FBXL4: variants seen among roughly 807,000 people sequenced by gnomAD.
The protein encoded by FBXL4 is F-box/LRR-repeat protein 4.
FBXL4 carries 40 observed loss-of-function variants against 58.9 expected under a neutral mutation model. That is an observed-to-expected ratio of 0.68 (90% CI 0.53 to 0.88). FBXL4 has a LOEUF of 0.88. Ranked by LOEUF, FBXL4 falls within the 40% of genes least tolerant of loss-of-function variation. FBXL4 has a pLI of 0.00. For missense variants in FBXL4, 676 were observed against 734.4 expected, an observed-to-expected ratio of 0.92 and a Z score of 0.92; for synonymous variants, 263 against 265.5, an observed-to-expected ratio of 0.99 and a Z score of 0.09.
intron 5 of FBXL4, among the ~76,000 whole-genome samples, chr6:98,914,570 C>T (rs917904839): frequency 2.2e-4 from 34 of 152,150 alleles, no homozygotes; most frequent in Non-Finnish European, 4.4e-4. Context: ...ACAAAAACCA[C>T]ATGATTATCT....
intron 1 of FBXL4, among the ~76,000 whole-genome samples, chr6:98,942,309 A>T (rs1173152437): frequency 6.6e-6 from 1 of 152,032 alleles, no homozygotes; most frequent in Non-Finnish European, 1.5e-5. Context: ...GCAAAATTTT[A>T]AAAAATGGTT....
intron 1 of FBXL4, among the ~76,000 whole-genome samples, chr6:98,938,898 CAT>C (rs1773322880): frequency 6.6e-6 from 1 of 151,740 alleles, no homozygotes; most frequent in Admixed American, 6.6e-5. Context: ...GCCTAAGAAA[CAT>C]AGGGAGACCC....
intron 7 of FBXL4, among the ~76,000 whole-genome samples, chr6:98,894,340 T>C (rs745790411): frequency 2.0e-5 from 3 of 152,188 alleles, no homozygotes; most frequent in African/African-American, 7.2e-5. Flanking sequence ...ATTATTTCCA[T>C]GCCACGGATG....
chr6:98,940,304 C>G (rs1385050007), intron 1 of FBXL4, among the ~76,000 whole-genome samples: 1 of 152,004 alleles, frequency 6.6e-6, no homozygotes, highest in Non-Finnish European at 1.5e-5. Flanking sequence ...CTTCACAGTC[C>G]AAACCCATGT....
At chr6:98,900,286 A>G (rs1174137996) in intron 6 of FBXL4, among the ~76,000 whole-genome samples, 1 of 152,218 alleles carries the variant, frequency 6.6e-6, no homozygotes, top group Non-Finnish European at 1.5e-5. Context: ...CCCTCTTAAC[A>G]GTGTACCAAT....
rs542877167 is a variant in FBXL4, at chr6:98,946,206, C to G, written c.-309+1600G>C. Among the ~76,000 whole-genome samples, 15 of 152,170 alleles carry G rather than the reference C, an allele frequency of 9.9e-5. No individual in the cohort carries two copies. The East Asian group carries it at 1.7e-3, about 18-fold the overall frequency. On this transcript the variant is annotated intron_variant, in intron 1 of 9. Transcript: ENST00000369244. ...AGAATACTAGACCGTTCAGAAAGTC[C>G]CAAGAATACACGGGAATTTAGGGCC...
intron 7 of FBXL4, 108 bp downstream of exon 7, chr6:98,899,160 T>A (rs553040307): frequency 1.3e-6 from 2 of 1,499,634 alleles, no homozygotes; most frequent in South Asian, 2.8e-5. Flanking sequence ...GAAGGCATCA[T>A]AAACTTGATT....
chr6:98,888,898 C>G (rs1266081027), intron 7 of FBXL4, among the ~76,000 whole-genome samples: 1 of 152,172 alleles, frequency 6.6e-6, no homozygotes, highest in East Asian at 1.9e-4. Context: ...TAAAATCTAC[C>G]TATTAACCCT....
chr6:98,913,887 T>G (rs1483376382), intron 5 of FBXL4, among the ~76,000 whole-genome samples: 3 of 152,120 alleles, frequency 2.0e-5, no homozygotes, highest in Non-Finnish European at 4.4e-5. Flanking sequence ...AGCTGGTTTT[T>G]TGAAAGGATC....
rs1019952432 is a variant in FBXL4, at chr6:98,872,880, G to C, written c.*1398C>G. The C allele has an allele frequency of 1.3e-5, 2 of 152,134 alleles. No individual in the cohort carries two copies. The highest frequency in any genetic ancestry group is 1.3e-4 in the Admixed American group (2 of 15,248). 9.4% of individuals were successfully genotyped at this position (152,134 alleles called of 1,614,324 possible). ...CCTCAGTTTCCTCATCTGTAAATGG[G>C]GGTAAGTAATGGCATTTATCTTACA... On this transcript the variant is annotated 3_prime_UTR_variant, in exon 10 of 10. Transcript: ENST00000369244.
chr6:98,879,193 A>G (rs941170098), intron 8 of FBXL4, among the ~76,000 whole-genome samples: 2 of 152,226 alleles, frequency 1.3e-5, no homozygotes, highest in African/African-American at 4.8e-5. Context: ...TGACTCTAAT[A>G]AAATATTTCT....
At chr6:98,896,689 T>G in intron 7 of FBXL4, 1 of 756,272 alleles carries the variant, frequency 1.3e-6, no homozygotes, top group South Asian at 6.1e-5. Context: ...TTTATGATAT[T>G]TTACCAGATG....
rs150523994 is a variant in FBXL4, at chr6:98,875,523, G to C, written c.1594C>G (p.Leu532Val). 44 of 1,614,042 alleles carry C rather than the reference G, an allele frequency of 2.7e-5. No individual in the cohort carries two copies. In the African/African-American group the frequency reaches 4.7e-4, roughly 17 times the overall value. Residue 532 changes from leucine (L) to valine (V), a missense_variant, in exon 9 of 10, where the codon CTC becomes GTC. Transcript: ENST00000369244. ...AGAAAGAGTTTTTGCAAGTTTGGGA[G>C]CTGGTGTGCCAGTCTGGTGAAGCAC... ...TGCFTRLAHQ[L>V]PNLQKLFLTA... is the part of the protein sequence containing the mutation.
At chr6:98,879,577 C>T (rs547153662) in intron 8 of FBXL4, among the ~76,000 whole-genome samples, 3 of 152,158 alleles carry the variant, frequency 2.0e-5, no homozygotes, top group South Asian at 2.1e-4. Flanking sequence ...CACATAAAAT[C>T]GTATTTTAAA....
intron 4 of FBXL4, among the ~76,000 whole-genome samples, chr6:98,918,436 T>C (rs1379093852): frequency 6.6e-6 from 1 of 152,134 alleles, no homozygotes; most frequent in Non-Finnish European, 1.5e-5. Flanking sequence ...TCTTTGCTCG[T>C]GTTATCTTCC....
intron 1 of FBXL4, among the ~76,000 whole-genome samples, chr6:98,938,680 T>TA (rs1458293797): frequency 6.6e-6 from 1 of 152,220 alleles, no homozygotes; most frequent in African/African-American, 2.4e-5. Context: ...ACACCAGAGT[T>TA]AGTCTATCCC....
intron 5 of FBXL4, among the ~76,000 whole-genome samples, chr6:98,915,686 C>G (rs1376282233): frequency 6.6e-6 from 1 of 152,200 alleles, no homozygotes; most frequent in East Asian, 1.9e-4. Flanking sequence ...GGATTAAAGA[C>G]ATAAACGTTA....
chr6:98,914,498 G>A (rs1260139691), intron 5 of FBXL4, among the ~76,000 whole-genome samples: 2 of 152,200 alleles, frequency 1.3e-5, no homozygotes, highest in East Asian at 3.8e-4. Context: ...CCTCTGGGAT[G>A]CAAGGCTGGT....
intron 1 of FBXL4, among the ~76,000 whole-genome samples, chr6:98,938,958 T>G (rs1291539335): frequency 6.6e-6 from 1 of 150,874 alleles, no homozygotes; most frequent in African/African-American, 2.4e-5. Context: ...TGTGGTGGTG[T>G]GCACCTGTAA....
Sources: allele counts gnomAD v4.1 joint callset (sites outside exome capture counted in the v4.1 genomes callset), GRCh38; gene constraint gnomAD v4.1.1; transcripts MANE v1.5; gene names NCBI Gene and HGNC (gene_info 2026-07-23, HGNC 2026-07-21).